GRID2: variants seen among roughly 807,000 people sequenced by gnomAD.
The protein encoded by GRID2 is glutamate ionotropic receptor delta type subunit 2.
Under a neutral mutation model 114.8 loss-of-function variants are expected in GRID2, and 33 were observed. That is an observed-to-expected ratio of 0.29 (90% confidence interval 0.22 to 0.38). GRID2 has a LOEUF of 0.38. Among genes scored for constraint, GRID2 ranks in the 10% least tolerant of loss-of-function variants. The pLI, the probability that GRID2 is intolerant of heterozygous loss-of-function variation, is 1.00. For synonymous variants in GRID2, 505 were observed against 449.9 expected (o/e 1.12, Z -1.55); for missense variants, 1,184 against 1,257.7 (o/e 0.94, Z 0.89).
At chr4:93,240,204 A>G (rs1747325029) in intron 8 of GRID2, among the ~76,000 whole-genome samples, 1 of 151,666 alleles carries the variant, frequency 6.6e-6, no homozygotes, top group African/African-American at 2.4e-5. Flanking sequence ...ACTTTACCAG[A>G]TAACATCAAA....
rs577240944 is a variant in GRID2 at position 92,964,478 on chromosome 4, A to T, written c.245-120517A>T. Among the ~76,000 whole-genome samples, 6 of 152,132 alleles carry T rather than the reference A, an allele frequency of 3.9e-5. No individual in the cohort carries two copies. In the East Asian group the frequency reaches 9.7e-4, roughly 25 times the overall value. ...GACAGGTTGATGGGTGCCACAAACC[A>T]CCATGGCACATGTATACCTATGTAA... On this transcript the variant is annotated intron_variant, in intron 2 of 15. Transcript: ENST00000282020.
intron 12 of GRID2, among the ~76,000 whole-genome samples, chr4:93,507,418 C>G (rs1728742474): frequency 1.3e-5 from 2 of 152,176 alleles, no homozygotes; most frequent in African/African-American, 4.8e-5. Context: ...TACATACTCT[C>G]CTTCCTCCTC....
At chr4:92,610,383 G>A (rs1226045980) in intron 2 of GRID2, among the ~76,000 whole-genome samples, 1 of 151,572 alleles carries the variant, frequency 6.6e-6, no homozygotes, top group African/African-American at 2.4e-5. Flanking sequence ...TTATGTGTGT[G>A]ATATTGTTCC....
chr4:92,765,049 AAT>A (rs1738194722), intron 2 of GRID2, among the ~76,000 whole-genome samples: 1 of 152,200 alleles, frequency 6.6e-6, no homozygotes, highest in African/African-American at 2.4e-5. Context: ...CTACAATTTA[AAT>A]ATCAAAACAT....
At chr4:92,855,776 G>C (rs1744131302) in intron 2 of GRID2, among the ~76,000 whole-genome samples, 1 of 151,852 alleles carries the variant, frequency 6.6e-6, no homozygotes, top group South Asian at 2.1e-4. Context: ...ATTTTTATCT[G>C]GAGGTGAATT....
chr4:92,633,599 T>C (rs1296104673), intron 2 of GRID2, among the ~76,000 whole-genome samples: 1 of 152,112 alleles, frequency 6.6e-6, no homozygotes, highest in African/African-American at 2.4e-5. Context: ...TGTGATGTCA[T>C]GGAGAAAAAA....
At chr4:92,467,330 G>A (rs958029614) in intron 1 of GRID2, among the ~76,000 whole-genome samples, 3 of 151,794 alleles carry the variant, frequency 2.0e-5, no homozygotes, top group Admixed American at 6.6e-5. Flanking sequence ...ATTACAAAAT[G>A]TTTATAAACA....
At chr4:92,852,988 A>G (rs1743931589) in intron 2 of GRID2, among the ~76,000 whole-genome samples, 1 of 152,018 alleles carries the variant, frequency 6.6e-6, no homozygotes, top group Non-Finnish European at 1.5e-5. Flanking sequence ...TTAATATGCC[A>G]GTGTTTGCAT....
At chr4:93,093,282 A>C (rs1006533859) in intron 3 of GRID2, among the ~76,000 whole-genome samples, 1 of 152,034 alleles carries the variant, frequency 6.6e-6, no homozygotes, top group Non-Finnish European at 1.5e-5. Context: ...GCTGCTTTTC[A>C]AAATGGATGT....
chr4:92,974,695 G>GA (rs1560760605), intron 2 of GRID2, among the ~76,000 whole-genome samples: 1 of 151,818 alleles, frequency 6.6e-6, no homozygotes, highest in East Asian at 2.0e-4. Context: ...GGGGGTAGGG[G>GA]GGTAGGGGAG....
At chr4:92,926,390 T>C (rs958744106) in intron 2 of GRID2, among the ~76,000 whole-genome samples, 5 of 152,010 alleles carry the variant, frequency 3.3e-5, no homozygotes, top group African/African-American at 1.2e-4. Flanking sequence ...AATCAGTATG[T>C]ACAATGAAGA....
At position 92,688,269 on chromosome 4, in the gene GRID2, C is replaced by T. The variant is rs187844097; in HGVS notation, c.244+97983C>T. ...TTCACTATTTTGGCCAGGCTGGTCT[C>T]GAACTCCCGACCTCAGGTGATCTGC... On this transcript the variant is annotated intron_variant, in intron 2 of 15. Transcript: ENST00000282020. 2.9e-4 allele frequency among the ~76,000 whole-genome samples: 44 copies of T among 151,462 alleles called. No individual in the cohort carries two copies. The East Asian group carries it at 4.9e-3, about 17-fold the overall frequency.
At chr4:93,483,824 G>A (rs1726105813) in intron 11 of GRID2, among the ~76,000 whole-genome samples, 1 of 151,738 alleles carries the variant, frequency 6.6e-6, no homozygotes, top group Non-Finnish European at 1.5e-5. Context: ...ACTTATCAAG[G>A]GCTATAGGAA....
chr4:92,927,910 A>C (rs1749942771), intron 2 of GRID2, among the ~76,000 whole-genome samples: 1 of 151,708 alleles, frequency 6.6e-6, no homozygotes, highest in Admixed American at 6.6e-5. Flanking sequence ...TGAGGATCTC[A>C]AATCTGAAAA....
intron 2 of GRID2, among the ~76,000 whole-genome samples, chr4:92,676,553 T>C (rs915659425): frequency 1.3e-5 from 2 of 152,128 alleles, no homozygotes; most frequent in African/African-American, 2.4e-5. Flanking sequence ...TTTCTTTGTA[T>C]GTCCTTGAAG....
chr4:92,986,584 A>G (rs912074745), intron 2 of GRID2, among the ~76,000 whole-genome samples: 1 of 152,072 alleles, frequency 6.6e-6, no homozygotes, highest in African/African-American at 2.4e-5. Flanking sequence ...AGCAATGTTA[A>G]CTTTCTGGTT....
chr4:93,709,616 A>C (rs183817619), intron 14 of GRID2, among the ~76,000 whole-genome samples: 77 of 152,276 alleles, frequency 5.1e-4, no homozygotes, highest in South Asian at 1.9e-3. Flanking sequence ...GAATATTGAT[A>C]TCTTCCTCTA....
chr4:93,265,804 T>C (rs1020116509), intron 8 of GRID2, among the ~76,000 whole-genome samples: 4 of 152,162 alleles, frequency 2.6e-5, no homozygotes, highest in African/African-American at 9.7e-5. Flanking sequence ...CTTCCCACCA[T>C]GCAGTTCAAA....
rs1456382024 is a variant in GRID2, at chr4:93,271,526, C to T, written c.1245+33036C>T. Among the ~76,000 whole-genome samples, 3 of 152,174 alleles carry T rather than the reference C, an allele frequency of 2.0e-5. No homozygotes were observed. In the East Asian group the frequency reaches 5.8e-4, roughly 29 times the overall value. On this transcript the variant is annotated intron_variant, in intron 8 of 15. Coordinates refer to ENST00000282020, the MANE Select transcript of GRID2 (RefSeq NM_001510.4). The stretch of plus-strand genomic sequence containing the variant: ...TATTTTCCCAGCTGTAGATTTCCCA[C>T]CTGCAAAAGGCCCAGATTAGAGGAG...
Sources: gnomAD v4.1 joint callset for allele counts (sites outside exome capture counted in the v4.1 genomes callset) on GRCh38, gnomAD v4.1.1 for gene constraint, MANE v1.5 for transcripts, NCBI Gene and HGNC (gene_info 2026-07-23, HGNC 2026-07-21) for gene names.